The following FBXO34 variants were observed in gnomAD, a reference collection of about 807,000 sequenced individuals.
FBXO34 encodes F-box only protein 34.
Under a neutral mutation model 24.5 loss-of-function variants are expected in FBXO34, and 12 were observed. The observed-to-expected ratio is 0.49, with a 90% confidence interval of 0.31 to 0.79. The LOEUF (loss-of-function observed/expected upper bound fraction) is 0.79, where lower values mean the gene tolerates loss of function less well. Ranked by LOEUF, FBXO34 falls within the 30% of genes least tolerant of loss-of-function variation. FBXO34 has a pLI of 0.04. For missense variants in FBXO34, 823 were observed against 857.7 expected, an observed-to-expected ratio of 0.96 and a Z score of 0.51; for synonymous variants, 320 against 311.9, an observed-to-expected ratio of 1.03 and a Z score of -0.27.
intron 1 of FBXO34, among the ~76,000 whole-genome samples, chr14:55,310,774 A>G (rs1036044432): frequency 5.9e-5 from 9 of 152,202 alleles, no homozygotes; most frequent in Admixed American, 3.3e-4. Flanking sequence ...ATCTATTTGC[A>G]GATTGCCTCA....
rs1199563268 is a variant in FBXO34, at chr14:55,300,007, T to C, written c.-11+28470T>C. The stretch of plus-strand genomic sequence containing the variant: ...AGAGTGGATATTATTTCATTGGCAG[T>C]CTAGTAAGAATCCTTGTCTTTTAAA... On this transcript the variant is annotated intron_variant, in intron 1 of 1. Transcript: ENST00000313833. Among the ~76,000 whole-genome samples, 5 of 152,208 alleles carry C rather than the reference T, an allele frequency of 3.3e-5. No individual in the cohort carries two copies. The East Asian group carries it at 9.6e-4, about 29-fold the overall frequency.
intron 1 of FBXO34, among the ~76,000 whole-genome samples, chr14:55,332,963 A>G (rs2140053176): frequency 6.6e-6 from 1 of 152,298 alleles, no homozygotes; most frequent in East Asian, 1.9e-4. Flanking sequence ...TGGGAACAGA[A>G]AGAGGGCCAA....
intron 1 of FBXO34, among the ~76,000 whole-genome samples, chr14:55,289,079 A>T (rs1369381762): frequency 1.3e-5 from 2 of 152,154 alleles, no homozygotes; most frequent in Non-Finnish European, 1.5e-5. Context: ...TATGTAATAT[A>T]TATTTCAAGC....
the FBXO34 span, among the ~76,000 whole-genome samples, chr14:55,393,443 T>C: frequency 6.6e-6 from 1 of 151,850 alleles, no homozygotes; most frequent in Non-Finnish European, 1.5e-5. Context: ...TGAAAAAAAA[T>C]TACACATTAC....
chr14:55,388,700 C>T, the FBXO34 span, among the ~76,000 whole-genome samples: 13 of 152,174 alleles, frequency 8.5e-5, no homozygotes, highest in Non-Finnish European at 1.5e-4. Context: ...CAACAACAAG[C>T]TCTTAAGCAT....
At chr14:55,435,403 GT>G in the FBXO34 span, among the ~76,000 whole-genome samples, 206 of 151,036 alleles carry the variant, frequency 1.4e-3, 3 homozygotes, top group East Asian at 0.034. Context: ...AACCTCCTGA[GT>G]AGCTGGGATT....
the FBXO34 span, among the ~76,000 whole-genome samples, chr14:55,413,217 G>A: frequency 2.0e-5 from 3 of 152,090 alleles, no homozygotes; most frequent in South Asian, 6.2e-4. Context: ...TAAGGTCTCG[G>A]GCTTATGTTT....
chr14:55,367,984 C>T (rs1884720420), exon 3 of FBXO34: 1 of 152,630 alleles, frequency 6.6e-6, no homozygotes, highest in Admixed American at 6.5e-5. Context: ...TGGCAAACCT[C>T]TGAATGATTT....
intron 1 of FBXO34, among the ~76,000 whole-genome samples, chr14:55,342,886 C>T (rs954533719): frequency 6.6e-6 from 1 of 152,128 alleles, no homozygotes; most frequent in African/African-American, 2.4e-5. Flanking sequence ...CGTAGGTTTT[C>T]GATATATCAT....
chr14:55,290,404 AAAT>A (rs1881906590), intron 1 of FBXO34, among the ~76,000 whole-genome samples: 1 of 151,806 alleles, frequency 6.6e-6, no homozygotes, highest in African/African-American at 2.4e-5. Context: ...AAAAAAAAAT[AAAT>A]AAAATAAATA....
At chr14:55,413,350 A>C in the FBXO34 span, among the ~76,000 whole-genome samples, 1 of 152,262 alleles carries the variant, frequency 6.6e-6, no homozygotes, top group Non-Finnish European at 1.5e-5. Context: ...TATCACAGAT[A>C]GTATCTAGCT....
intron 1 of FBXO34, chr14:55,272,208 C>CGGT (rs1594715791): frequency 6.6e-6 from 1 of 152,220 alleles, no homozygotes; most frequent in East Asian, 1.9e-4. Flanking sequence ...CCGGGGGGAC[C>CGGT]CGCAGGGTAG....
chr14:55,430,960 C>G, the FBXO34 span, among the ~76,000 whole-genome samples: 13 of 152,320 alleles, frequency 8.5e-5, no homozygotes, highest in South Asian at 6.2e-4. Flanking sequence ...TCTAAGGACA[C>G]AGAAGTTTCT....
chr14:55,418,064 AT>A, the FBXO34 span, among the ~76,000 whole-genome samples: 1 of 152,332 alleles, frequency 6.6e-6, no homozygotes, highest in South Asian at 2.1e-4. Flanking sequence ...AATCTAAGCC[AT>A]TTTATTACCC....
At chr14:55,386,706 G>A in the FBXO34 span, among the ~76,000 whole-genome samples, 1 of 152,268 alleles carries the variant, frequency 6.6e-6, no homozygotes, top group South Asian at 2.1e-4. Flanking sequence ...CAAAAGCCTG[G>A]CCACACAACC....
chr14:55,316,928 A>G (rs1304335601), intron 1 of FBXO34, among the ~76,000 whole-genome samples: 1 of 152,108 alleles, frequency 6.6e-6, no homozygotes, highest in Non-Finnish European at 1.5e-5. Flanking sequence ...GCTCATATTC[A>G]ATAGTGAGAT....
intron 1 of FBXO34, among the ~76,000 whole-genome samples, chr14:55,331,549 A>G (rs957335323): frequency 8.9e-6 from 1 of 111,818 alleles, no homozygotes; most frequent in African/African-American, 3.5e-5. Context: ...TTGAGGCGTG[A>G]TATATATATA....
At chr14:55,411,868 C>G in the FBXO34 span, 2 of 1,518,282 alleles carry the variant, frequency 1.3e-6, no homozygotes, top group Non-Finnish European at 1.8e-6. Context: ...TGTTTTCAAC[C>G]GGGTGCATTC....
At chr14:55,400,042 T>C in the FBXO34 span, among the ~76,000 whole-genome samples, 3 of 152,224 alleles carry the variant, frequency 2.0e-5, no homozygotes, top group African/African-American at 4.8e-5. Context: ...ACCAACCTAA[T>C]ACTTCATGAG....
Sources: allele counts gnomAD v4.1 joint callset (sites outside exome capture counted in the v4.1 genomes callset), GRCh38; gene constraint gnomAD v4.1.1; transcripts MANE v1.5; gene names NCBI Gene and HGNC (gene_info 2026-07-23, HGNC 2026-07-21).